CUL3: variants seen among roughly 807,000 people sequenced by gnomAD.
CUL3 encodes cullin-3.
A neutral mutation model predicts 89.1 loss-of-function variants in CUL3; 19 were observed. That is an observed-to-expected ratio of 0.21 (90% CI 0.15 to 0.31). The LOEUF (loss-of-function observed/expected upper bound fraction) is 0.31, where lower values mean the gene tolerates loss of function less well. Among genes scored for constraint, CUL3 ranks in the 10% least tolerant of loss-of-function variants. The probability of loss-of-function intolerance (pLI) is 1.00; values close to 1 mark genes in which losing one functional copy is unlikely to be tolerated. For missense variants in CUL3, 469 were observed against 942.3 expected (o/e 0.50, Z 6.58); for synonymous variants, 351 against 308.4 (o/e 1.14, Z -1.45).
chr2:224,562,765 T>A (rs1250988051), intron 1 of CUL3: 1 of 152,562 alleles, frequency 6.6e-6, no homozygotes, highest in South Asian at 2.1e-4. Flanking sequence ...AGTGGACTAA[T>A]GTCACATTCC....
In CUL3 at chr2:224,517,505, T is replaced by G. The variant is rs150451624; in HGVS notation, c.379-2733A>C. 5.8e-4 allele frequency among the ~76,000 whole-genome samples: 89 copies of G among 152,232 alleles called. 1 individual carries two copies. In the East Asian group the frequency reaches 0.016, roughly 27 times the overall value. ...CTGGCCAATATGGTGAAACCCTGTCTCTACTAAAAATACAAAAATTGGCCA... is the reference window on the plus strand; with the variant it reads ...CTGGCCAATATGGTGAAACCCTGTCGCTACTAAAAATACAAAAATTGGCCA... On this transcript the variant is annotated intron_variant, in intron 3 of 15. Transcript: ENST00000264414.
chr2:224,508,193 T>A (rs1000200276), intron 6 of CUL3, among the ~76,000 whole-genome samples: 1 of 152,056 alleles, frequency 6.6e-6, no homozygotes, highest in African/African-American at 2.4e-5. Context: ...TAAGAGTAGT[T>A]TAGAGCTTAA....
At chr2:224,532,629 T>C (rs1201095681) in intron 3 of CUL3, among the ~76,000 whole-genome samples, 1 of 152,110 alleles carries the variant, frequency 6.6e-6, no homozygotes, top group Non-Finnish European at 1.5e-5. Context: ...AGATGGCAAA[T>C]GTCAACATTT....
chr2:224,502,886 T>G, intron 10 of CUL3, 79 bp downstream of exon 10: 1 of 952,234 alleles, frequency 1.1e-6, no homozygotes. Context: ...ACAACTGTCA[T>G]CTGCTAAGTG....
At chr2:224,577,511 C>A (rs547309453) in intron 1 of CUL3, among the ~76,000 whole-genome samples, 7 of 151,122 alleles carry the variant, frequency 4.6e-5, no homozygotes, top group African/African-American at 1.7e-4. Context: ...GGAGCTTGCA[C>A]TGAGCTGAGA....
Position 224,563,291 on chromosome 2 carries a change from C to G in CUL3, c.67-5435G>C, listed in dbSNP as rs183861150. On this transcript the variant is annotated intron_variant, in intron 1 of 15. Coordinates refer to ENST00000264414, the MANE Select transcript of CUL3 (RefSeq NM_003590.5). ...ATTTAAATCATTTTCACCCTGAGAA[C>G]TCTGTCCTTGGCTCTTGTCACTCTC... 478 of 470,974 alleles carry G rather than the reference C, an allele frequency of 1.0e-3. 2 individuals are homozygous for G. The highest frequency in any genetic ancestry group is 9.1e-3 in the African/African-American group (456 of 50,176). The allele number at this position is 470,974 out of a possible 1,614,324, so 29.2% of individuals were successfully genotyped here.
intron 1 of CUL3, among the ~76,000 whole-genome samples, chr2:224,559,684 C>T (rs1397684865): frequency 6.6e-6 from 1 of 152,076 alleles, no homozygotes; most frequent in African/African-American, 2.4e-5. Context: ...CTTGAGAAGG[C>T]CACCAGTGAC....
chr2:224,501,934 A>C (rs1692406789), intron 10 of CUL3, among the ~76,000 whole-genome samples: 1 of 152,240 alleles, frequency 6.6e-6, no homozygotes, highest in African/African-American at 2.4e-5. Flanking sequence ...ATTAGATTTA[A>C]CTATAAATTC....
intron 4 of CUL3, 145 bp from the exon 5 acceptor site, chr2:224,513,783 A>C (rs1410158012): frequency 1.7e-6 from 1 of 573,884 alleles, no homozygotes; most frequent in African/African-American, 2.1e-5. Flanking sequence ...CTCATGTAAA[A>C]CGAAAGGATT....
intron 11 of CUL3, chr2:224,499,642 C>A: frequency 4.7e-6 from 1 of 214,402 alleles, no homozygotes. Flanking sequence ...AGAAGCCACT[C>A]TGGTATTATT....
chr2:224,512,420 A>G (rs1692866109), intron 5 of CUL3, among the ~76,000 whole-genome samples: 1 of 152,134 alleles, frequency 6.6e-6, no homozygotes, highest in Admixed American at 6.5e-5. Context: ...CTACGAATAC[A>G]TCTGTTTTGG....
chr2:224,531,028 A>T (rs921019598), intron 3 of CUL3, among the ~76,000 whole-genome samples: 15 of 152,326 alleles, frequency 9.8e-5, no homozygotes, highest in Admixed American at 2.6e-4. Context: ...ATGAAAATTT[A>T]AAAAATTTAT....
chr2:224,499,888 A>T, intron 11 of CUL3: 1 of 159,586 alleles, frequency 6.3e-6, no homozygotes, highest in Non-Finnish European at 1.4e-5. Flanking sequence ...ATTTGCTTGG[A>T]TCTTTCTCTG....
intron 9 of CUL3, 60 bp from the exon 10 acceptor site, chr2:224,503,132 C>A: frequency 9.5e-7 from 1 of 1,056,302 alleles, no homozygotes; most frequent in Non-Finnish European, 1.5e-6. Flanking sequence ...TGAGAAAGTA[C>A]AGAAAGAAAT....
At chr2:224,542,916 T>C (rs991351399) in intron 2 of CUL3, among the ~76,000 whole-genome samples, 4 of 152,004 alleles carry the variant, frequency 2.6e-5, no homozygotes, top group African/African-American at 9.7e-5. Context: ...TCTCCATGGA[T>C]TGACAAGGAA....
intron 2 of CUL3, among the ~76,000 whole-genome samples, chr2:224,553,323 G>C (rs1694584609): frequency 6.6e-6 from 1 of 152,048 alleles, no homozygotes; most frequent in African/African-American, 2.4e-5. Flanking sequence ...ACATTTCCTA[G>C]TCAAAAATTG....
chr2:224,473,749 T>C lies in CUL3; in HGVS notation c.*496A>G. The C allele has an allele frequency of 5.4e-6, 1 of 185,148 alleles. No homozygotes were observed. The highest frequency in any genetic ancestry group is 8.8e-5 in the East Asian group (1 of 11,334). The allele number at this position is 185,148 out of a possible 1,614,324, so 11.5% of individuals were successfully genotyped here. On this transcript the variant is annotated 3_prime_UTR_variant, in exon 16 of 16. Transcript: ENST00000264414. ...TGGGTCTTTGTATATTTATCAAACC[T>C]TTAAAATTAAATAAGACTAGCTAAA...
intron 3 of CUL3, among the ~76,000 whole-genome samples, chr2:224,524,648 G>T (rs187371035): frequency 6.6e-6 from 1 of 152,070 alleles, no homozygotes; most frequent in South Asian, 2.1e-4. Flanking sequence ...ACTAGATCAC[G>T]GTGATCTGAC....
intron 7 of CUL3, 70 bp downstream of exon 7, chr2:224,506,788 A>T (rs1375778421): frequency 1.2e-5 from 16 of 1,379,356 alleles, no homozygotes; most frequent in African/African-American, 2.9e-5. Context: ...CAGCATGGTA[A>T]AAGTGGCCTT....
Sources: allele counts gnomAD v4.1 joint callset (sites outside exome capture counted in the v4.1 genomes callset), GRCh38; gene constraint gnomAD v4.1.1; transcripts MANE v1.5; gene names NCBI Gene and HGNC (gene_info 2026-07-23, HGNC 2026-07-21).